The following ASAP1 variants were observed in gnomAD, a reference collection of about 807,000 sequenced individuals.
ASAP1 encodes the protein arf-GAP with SH3 domain, ANK repeat and PH domain-containing protein 1.
In ASAP1, 43 loss-of-function variants were observed where a neutral mutation model predicts 145.2. The ratio of observed to expected loss-of-function variants is 0.30; its 90% CI spans 0.23 to 0.38. The LOEUF (loss-of-function observed/expected upper bound fraction) is 0.38. ASAP1 is among the 10% of genes least tolerant of loss of function. The pLI is 1.00. For missense variants in ASAP1, 1,018 were observed against 1,355.3 expected (o/e 0.75, Z 3.91); for synonymous variants, 546 against 515.5 (o/e 1.06, Z -0.80).
chr8:130,422,996 C>T (rs1829780913), intron 1 of ASAP1, among the ~76,000 whole-genome samples: 1 of 152,214 alleles, frequency 6.6e-6, no homozygotes, highest in South Asian at 2.1e-4. Context: ...TCACAGTTGA[C>T]GGCAAAGTCA....
At chr8:130,115,822 T>C (rs2097554880) in intron 22 of ASAP1, 87 bp from the exon 23 acceptor site, 1 of 960,192 alleles carries the variant, frequency 1.0e-6, no homozygotes, top group Non-Finnish European at 1.7e-6. Context: ...TCCCACCTTA[T>C]TCCTAGTTTT....
intron 2 of ASAP1, among the ~76,000 whole-genome samples, chr8:130,381,959 G>A (rs1007139723): frequency 6.6e-6 from 1 of 151,914 alleles, no homozygotes; most frequent in African/African-American, 2.4e-5. Flanking sequence ...CCCTTTACCC[G>A]TGTTTATTTT....
Position 130,434,175 on chromosome 8 carries a change from G to A in ASAP1, c.-28+9285C>T, listed in dbSNP as rs543528566. The stretch of plus-strand genomic sequence containing the variant: ...TACTAAAAATACAAAAATTAACTGT[G>A]CCTGGTGGCGCACACCTGTGGCCCC... On this transcript the variant is annotated intron_variant, in intron 1 of 29. Coordinates refer to ENST00000518721, the MANE Select transcript of ASAP1 (RefSeq NM_018482.4). Among the ~76,000 whole-genome samples the A allele has an allele frequency of 7.2e-4, 109 of 152,244 alleles. No individual in the cohort carries two copies. In the Middle Eastern group the frequency reaches 0.01, roughly 14 times the overall value.
intron 3 of ASAP1, among the ~76,000 whole-genome samples, chr8:130,355,916 A>T (rs958956395): frequency 6.6e-6 from 1 of 152,162 alleles, no homozygotes; most frequent in Non-Finnish European, 1.5e-5. Flanking sequence ...TTGTAAAATT[A>T]TTGTGCCATC....
rs546835596 is a variant in ASAP1 at position 130,418,427 on chromosome 8, A to G, written c.-27-16457T>C. On this transcript the variant is annotated intron_variant, in intron 1 of 29. Coordinates refer to ENST00000518721, the MANE Select transcript of ASAP1 (RefSeq NM_018482.4). The stretch of plus-strand genomic sequence containing the variant: ...GTCGGTCATGGTGGCATGAGCCTGT[A>G]ATCCCAGCTACTCAGGAGGCTGAGG... Among the ~76,000 whole-genome samples, 16 of 152,274 alleles carry G rather than the reference A, an allele frequency of 1.1e-4. 1 individual carries two copies. The South Asian group carries it at 3.3e-3, about 32-fold the overall frequency.
intron 12 of ASAP1, among the ~76,000 whole-genome samples, chr8:130,157,239 C>T (rs1460777890): frequency 6.6e-6 from 1 of 152,204 alleles, no homozygotes; most frequent in African/African-American, 2.4e-5. Context: ...CAGTTTAAAT[C>T]TGTGAATTGT....
intron 3 of ASAP1, among the ~76,000 whole-genome samples, chr8:130,312,665 G>C (rs1041358819): frequency 1.3e-5 from 2 of 152,148 alleles, no homozygotes; most frequent in Non-Finnish European, 2.9e-5. Context: ...CAAGGCTAAA[G>C]GAAATTAAAT....
intron 4 of ASAP1, among the ~76,000 whole-genome samples, chr8:130,228,852 AAC>A (rs1817743054): frequency 6.6e-6 from 1 of 152,124 alleles, no homozygotes; most frequent in African/African-American, 2.4e-5. Context: ...TTCTATAGTA[AAC>A]ACATTAATAT....
chr8:130,107,180 C>CTTTTTT lies in ASAP1; in HGVS notation c.2401+4913_2401+4914insAAAAAA, dbSNP rs375105720. Among the ~76,000 whole-genome samples the CTTTTTT allele has an allele frequency of 1.9e-3, 219 of 113,830 alleles. 6 individuals carry two copies. Among genetic ancestry groups the CTTTTTT allele is most frequent in the South Asian group, 2.6e-3 (8 of 3,024 alleles). 74.7% of individuals were successfully genotyped at this position (113,830 alleles called of 152,430 possible). Reference sequence around the variant, plus strand: ...GAAGAACTATAGTCTCTCTCTTCTTCTTCTTTTTTTTTTTTTTTTTGAGAC... The same window carrying CTTTTTT: ...GAAGAACTATAGTCTCTCTCTTCTTCTTTTTTTTCTTTTTTTTTTTTTTTTTGAGAC... On this transcript the variant is annotated intron_variant, in intron 24 of 29. Coordinates refer to ENST00000518721, the MANE Select transcript of ASAP1 (RefSeq NM_018482.4).
At chr8:130,372,574 T>C (rs1319611187) in intron 2 of ASAP1, among the ~76,000 whole-genome samples, 2 of 152,234 alleles carry the variant, frequency 1.3e-5, no homozygotes, top group Non-Finnish European at 2.9e-5. Flanking sequence ...GTTTTCCTTC[T>C]TTCTCATCAG....
chr8:130,124,309 T>C (rs2097571472), intron 17 of ASAP1, among the ~76,000 whole-genome samples: 1 of 152,206 alleles, frequency 6.6e-6, no homozygotes, highest in South Asian at 2.1e-4. Flanking sequence ...AATACAGAGA[T>C]GGGTAAACTA....
Position 130,054,010 on chromosome 8 carries a change from T to C in ASAP1, c.*721A>G. 1 of 152,662 alleles carries C rather than the reference T, an allele frequency of 6.6e-6. No homozygotes were observed. Among genetic ancestry groups the C allele is most frequent in the Non-Finnish European group, 1.5e-5 (1 of 68,054 alleles). 9.5% of individuals were successfully genotyped at this position (152,662 alleles called of 1,614,324 possible). On this transcript the variant is annotated 3_prime_UTR_variant, in exon 30 of 30. Transcript: ENST00000518721. The stretch of plus-strand genomic sequence containing the variant: ...GAACTTCATATGTGTTTTAAACTTT[T>C]GTCAAAATAGTCATGAAAGATATGT...
intron 2 of ASAP1, among the ~76,000 whole-genome samples, chr8:130,386,194 G>T (rs190053733): frequency 3.6e-4 from 55 of 152,258 alleles, no homozygotes; most frequent in Non-Finnish European, 3.4e-4. Flanking sequence ...AGAGGAAGGG[G>T]GCGAGAGATT....
chr8:130,418,269 G>T (rs1350550066), intron 1 of ASAP1, among the ~76,000 whole-genome samples: 1 of 152,128 alleles, frequency 6.6e-6, no homozygotes, highest in Admixed American at 6.5e-5. Context: ...TACAATTCAG[G>T]CCCGGCACGG....
rs188304633 is a variant in ASAP1, at chr8:130,421,493, T to C, written c.-27-19523A>G. Among the ~76,000 whole-genome samples, 113 of 152,348 alleles carry C rather than the reference T, an allele frequency of 7.4e-4. 1 individual carries two copies. Among genetic ancestry groups the C allele is most frequent in the Non-Finnish European group, 7.6e-4 (52 of 68,030 alleles). ...TGGGTGTGACCATGTGTCAGACTTC[T>C]AGCTAAGGAATGAGATAGAAATGTT... On this transcript the variant is annotated intron_variant, in intron 1 of 29. Transcript: ENST00000518721.
chr8:130,227,181 G>A (rs1817631429), intron 4 of ASAP1, among the ~76,000 whole-genome samples: 1 of 152,106 alleles, frequency 6.6e-6, no homozygotes. Context: ...ACCTCATTGG[G>A]TTCTTGTTCT....
intron 1 of ASAP1, among the ~76,000 whole-genome samples, chr8:130,422,078 T>C (rs746982606): frequency 9.2e-5 from 14 of 152,194 alleles, no homozygotes; most frequent in Non-Finnish European, 1.5e-4. Flanking sequence ...AGAATCAGGC[T>C]GGTCAGGAAC....
Position 130,128,034 on chromosome 8 carries a change from C to A in ASAP1, c.1274G>T (p.Gly425Val), listed in dbSNP as rs772393832. The A allele has an allele frequency of 3.1e-6, 5 of 1,613,750 alleles. No homozygotes were observed. The highest frequency in any genetic ancestry group is 1.7e-6 in the Non-Finnish European group (2 of 1,179,880). The change falls in exon 16 of 30, where the codon GGA becomes GTA. Residue 425 changes from glycine (G) to valine (V), a missense_variant. Gly to Val is a moderately radical substitution (Grantham distance 109). Transcript: ENST00000518721. ...KEEALTMAFR[G>V]EQSAGENSLE... is the part of the protein sequence containing the mutation. ...GCTGTTCTCTCCCGCACTCTGCTCTCCACGGAAGGCCATGGTTAGGGCCTC... is the reference window on the plus strand; with the variant it reads ...GCTGTTCTCTCCCGCACTCTGCTCTACACGGAAGGCCATGGTTAGGGCCTC...
intron 13 of ASAP1, among the ~76,000 whole-genome samples, chr8:130,149,356 A>C (rs146869137): frequency 2.7e-3 from 407 of 151,796 alleles, no homozygotes; most frequent in African/African-American, 9.5e-3. Flanking sequence ...TTGGTAAAAG[A>C]ATTTTTTTTG....
Sources: gnomAD v4.1 joint callset for allele counts (sites outside exome capture counted in the v4.1 genomes callset) on GRCh38, gnomAD v4.1.1 for gene constraint, MANE v1.5 for transcripts, NCBI Gene and HGNC (gene_info 2026-07-23, HGNC 2026-07-21) for gene names.